DPYD: variants seen among roughly 807,000 people sequenced by gnomAD.
The protein encoded by DPYD is dihydropyrimidine dehydrogenase, also known as dihydropyrimidine dehydrogenase [NADP(+)].
DPYD carries 109 observed loss-of-function variants against 116.2 expected under a neutral mutation model. The observed-to-expected ratio is 0.94, with a 90% confidence interval of 0.80 to 1.10. DPYD has a LOEUF of 1.10. Among genes scored for constraint, DPYD ranks in the 50% least tolerant of loss-of-function variants. The probability of loss-of-function intolerance (pLI) is 0.00; values close to 1 mark genes in which losing one functional copy is unlikely to be tolerated. For missense variants in DPYD, 1,302 were observed against 1,254.5 expected, an observed-to-expected ratio of 1.04 and a Z score of -0.57; for synonymous variants, 440 against 432.0, an observed-to-expected ratio of 1.02 and a Z score of -0.23.
chr1:97,664,953 TA>T (rs1433138971), intron 8 of DPYD, among the ~76,000 whole-genome samples: 3 of 152,052 alleles, frequency 2.0e-5, no homozygotes, highest in Admixed American at 1.3e-4. Context: ...GCTTTACCAC[TA>T]AAAGTCTAAC....
intron 4 of DPYD, among the ~76,000 whole-genome samples, chr1:97,730,522 C>T (rs1489968173): frequency 6.6e-6 from 1 of 151,934 alleles, no homozygotes; most frequent in Non-Finnish European, 1.5e-5. Flanking sequence ...CTGCACCTGG[C>T]CTACTTATCC....
Position 97,265,801 on chromosome 1 carries a change from A to G in DPYD, c.2300-30807T>C, listed in dbSNP as rs541582671. Among the ~76,000 whole-genome samples the G allele has an allele frequency of 4.5e-4, 69 of 152,250 alleles. No individual in the cohort carries two copies. The South Asian group carries it at 7.9e-3, about 17-fold the overall frequency. On this transcript the variant is annotated intron_variant, in intron 18 of 22. Coordinates refer to ENST00000370192, the MANE Select transcript of DPYD (RefSeq NM_000110.4). Reference sequence around the variant, plus strand: ...CTCTGACTAACATGCTCAATTTCAAACATGTACTCTATCTACTCATAAGTT... The same window carrying G: ...CTCTGACTAACATGCTCAATTTCAAGCATGTACTCTATCTACTCATAAGTT...
At chr1:97,512,338 CA>C (rs1647861191) in intron 13 of DPYD, among the ~76,000 whole-genome samples, 1 of 151,808 alleles carries the variant, frequency 6.6e-6, no homozygotes, top group African/African-American at 2.4e-5. Context: ...CTTATTAAAA[CA>C]AAATCTATTC....
intron 5 of DPYD, among the ~76,000 whole-genome samples, chr1:97,708,625 T>C (rs112973114): frequency 6.6e-6 from 1 of 152,048 alleles, no homozygotes; most frequent in Non-Finnish European, 1.5e-5. Flanking sequence ...GGTTAATCTT[T>C]TGCCTCTCTA....
chr1:97,398,464 T>A (rs1392769823), intron 14 of DPYD, among the ~76,000 whole-genome samples: 1 of 152,194 alleles, frequency 6.6e-6, no homozygotes, highest in Non-Finnish European at 1.5e-5. Context: ...ATATACTCAG[T>A]AATGGGATCA....
chr1:97,421,507 G>C (rs974514065), intron 14 of DPYD, among the ~76,000 whole-genome samples: 1 of 151,698 alleles, frequency 6.6e-6, no homozygotes, highest in Admixed American at 6.6e-5. Flanking sequence ...TTTGAGAAAC[G>C]TAAGGATGGG....
intron 20 of DPYD, among the ~76,000 whole-genome samples, chr1:97,188,006 G>A (rs1658113039): frequency 6.6e-6 from 1 of 152,122 alleles, no homozygotes; most frequent in Non-Finnish European, 1.5e-5. Context: ...CAGGTAATGT[G>A]ATGACTCCAG....
At chr1:97,249,336 C>T (rs10875058) in intron 18 of DPYD, among the ~76,000 whole-genome samples, 61,124 of 151,496 alleles carry the variant, frequency 0.4, 12,487 homozygotes, top group African/African-American at 0.47. Flanking sequence ...GGGAAAAAAG[C>T]CATTCTAACA....
intron 12 of DPYD, among the ~76,000 whole-genome samples, chr1:97,548,974 C>T (rs1651112451): frequency 6.6e-6 from 1 of 151,962 alleles, no homozygotes; most frequent in South Asian, 2.1e-4. Context: ...AGTGTATGAT[C>T]TATGTATTTA....
At chr1:97,834,379 A>G (rs867610189) in intron 2 of DPYD, among the ~76,000 whole-genome samples, 2 of 147,496 alleles carry the variant, frequency 1.4e-5, no homozygotes, top group South Asian at 4.3e-4. Context: ...CCTTATTTTG[A>G]AAAAAAAAAG....
At chr1:97,594,924 TA>T in intron 9 of DPYD, 134 bp downstream of exon 9, 1 of 629,920 alleles carries the variant, frequency 1.6e-6, no homozygotes, top group East Asian at 3.0e-5. Flanking sequence ...TTTTTTTTTT[TA>T]ATTTTACATT....
intron 5 of DPYD, chr1:97,719,879 A>T (rs1212443755): frequency 1.4e-5 from 14 of 984,996 alleles, no homozygotes; most frequent in Non-Finnish European, 1.7e-5. Flanking sequence ...GATTCACTTA[A>T]AATGCATCTA....
At chr1:97,479,656 C>T (rs1055971849) in intron 13 of DPYD, among the ~76,000 whole-genome samples, 1 of 152,112 alleles carries the variant, frequency 6.6e-6, no homozygotes, top group African/African-American at 2.4e-5. Flanking sequence ...AACAGACTTG[C>T]TCGAAGAAAG....
At chr1:97,282,940 C>T (rs1665419959) in intron 18 of DPYD, among the ~76,000 whole-genome samples, 1 of 152,118 alleles carries the variant, frequency 6.6e-6, no homozygotes, top group South Asian at 2.1e-4. Context: ...TTATATACCG[C>T]ATTTTCTTTA....
rs1249099232 is a variant in DPYD, at chr1:97,615,736, G to C, written c.851-20570C>G. Among the ~76,000 whole-genome samples, 3 of 151,816 alleles carry C rather than the reference G, an allele frequency of 2.0e-5. No individual in the cohort carries two copies. The South Asian group carries it at 6.2e-4, about 32-fold the overall frequency. On this transcript the variant is annotated intron_variant, in intron 8 of 22. Coordinates refer to ENST00000370192, the MANE Select transcript of DPYD (RefSeq NM_000110.4). ...GTTTTTCTAAAATGAAAAATTCGAG[G>C]GACTCCCCAGTGTTTCACTCCTTAG...
chr1:97,149,056 A>C (rs1490293049), intron 20 of DPYD, among the ~76,000 whole-genome samples: 1 of 152,218 alleles, frequency 6.6e-6, no homozygotes, highest in Non-Finnish European at 1.5e-5. Flanking sequence ...TAACATGCAG[A>C]TGCACTAACA....
intron 8 of DPYD, among the ~76,000 whole-genome samples, chr1:97,642,230 G>GAA (rs150467511): frequency 6.6e-6 from 1 of 151,006 alleles, no homozygotes; most frequent in Non-Finnish European, 1.5e-5. Flanking sequence ...TTTCTTCATA[G>GAA]AAAAAAAAAT....
intron 2 of DPYD, among the ~76,000 whole-genome samples, chr1:97,830,695 G>A (rs1433840657): frequency 6.7e-6 from 1 of 149,304 alleles, no homozygotes; most frequent in African/African-American, 2.5e-5. Context: ...GGGACAGAGT[G>A]AGACTCCATC....
In DPYD at chr1:97,703,306, G is replaced by A. The variant is rs1174677340; in HGVS notation, c.484-3759C>T. Among the ~76,000 whole-genome samples the A allele has an allele frequency of 2.0e-5, 3 of 151,926 alleles. No homozygotes were observed. The East Asian group carries it at 5.8e-4, about 29-fold the overall frequency. ...TATGGCATTGAAACGAGACTCTTGGGGTTGAGTCTTGACTTCCATCATTCT... is the reference window on the plus strand; with the variant it reads ...TATGGCATTGAAACGAGACTCTTGGAGTTGAGTCTTGACTTCCATCATTCT... On this transcript the variant is annotated intron_variant, in intron 5 of 22. Transcript: ENST00000370192.
Sources: gnomAD v4.1 joint callset for allele counts (sites outside exome capture counted in the v4.1 genomes callset) on GRCh38, gnomAD v4.1.1 for gene constraint, MANE v1.5 for transcripts, NCBI Gene and HGNC (gene_info 2026-07-23, HGNC 2026-07-21) for gene names.